Variants in CEP57L1 observed in about 807,000 individuals in gnomAD.
CEP57L1 encodes the protein centrosomal protein 57 like 1, also known as centrosomal protein CEP57L1.
In CEP57L1, 37 loss-of-function variants were observed where a neutral mutation model predicts 61.0. The observed-to-expected ratio is 0.61, with a 90% confidence interval of 0.47 to 0.80. CEP57L1 has a LOEUF of 0.80. Ranked by LOEUF, CEP57L1 falls within the 30% of genes least tolerant of loss-of-function variation. The probability of loss-of-function intolerance (pLI) is 0.00; values close to 1 mark genes in which losing one functional copy is unlikely to be tolerated. For missense variants in CEP57L1, 422 were observed against 524.7 expected (o/e 0.80, Z 1.91); for synonymous variants, 137 against 162.3 (o/e 0.84, Z 1.19).
intron 1 of CEP57L1, among the ~76,000 whole-genome samples, chr6:109,126,408 T>G (rs532667208): frequency 1.3e-5 from 2 of 152,340 alleles, no homozygotes; most frequent in South Asian, 4.1e-4. Flanking sequence ...GACAATGTTT[T>G]AGAAGGTAGA....
In CEP57L1 at chr6:109,096,303, C is replaced by A. The variant is rs115775934; in HGVS notation, c.-4+728C>A. Among the ~76,000 whole-genome samples, 1,317 of 152,132 alleles carry A rather than the reference C, an allele frequency of 8.7e-3. 24 individuals carry two copies. The highest frequency in any genetic ancestry group is 0.03 in the African/African-American group (1,249 of 41,490). ...GTCTTGCTAGGCACTGAGTATACAACAATGAAAAAGACAGTCTTACTAGTT... is the reference window on the plus strand; with the variant it reads ...GTCTTGCTAGGCACTGAGTATACAAAAATGAAAAAGACAGTCTTACTAGTT... On this transcript the variant is annotated intron_variant, in intron 1 of 10. Coordinates refer to ENST00000517392, the MANE Select transcript of CEP57L1 (RefSeq NM_001271852.3).
rs1018043819 is a variant in CEP57L1, at chr6:109,170,076, G to A, written c.*7106G>A. On this transcript the variant is annotated 3_prime_UTR_variant, in exon 11 of 11. Coordinates refer to ENST00000517392, the MANE Select transcript of CEP57L1 (RefSeq NM_001271852.3). ...TAATAGATTTCTTATAACCATATCA[G>A]CAAAGCCACTCTGCTCTGGACAATG... is the stretch of plus-strand genomic sequence containing the variant. 2.0e-5 allele frequency among the ~76,000 whole-genome samples: 3 copies of A among 152,080 alleles called. No homozygotes were observed. Among genetic ancestry groups the A allele is most frequent in the South Asian group, 2.1e-4 (1 of 4,826 alleles).
At chr6:109,119,393 T>A (rs1772684567) in intron 1 of CEP57L1, among the ~76,000 whole-genome samples, 1 of 151,974 alleles carries the variant, frequency 6.6e-6, no homozygotes, top group African/African-American at 2.4e-5. Flanking sequence ...ACCTAATCAG[T>A]GGTGGTAAGG....
At chr6:109,150,954 A>T (rs964449174) in intron 4 of CEP57L1, among the ~76,000 whole-genome samples, 1 of 152,192 alleles carries the variant, frequency 6.6e-6, no homozygotes, top group African/African-American at 2.4e-5. Context: ...CAGAAGGAAA[A>T]TGACCTTTGG....
At chr6:109,127,093 G>A (rs1214499836) in intron 1 of CEP57L1, among the ~76,000 whole-genome samples, 1 of 152,156 alleles carries the variant, frequency 6.6e-6, no homozygotes, top group Non-Finnish European at 1.5e-5. Context: ...TTGAACCCGG[G>A]AGATGGAGGT....
intron 1 of CEP57L1, among the ~76,000 whole-genome samples, chr6:109,119,870 A>G (rs932187879): frequency 6.6e-6 from 1 of 152,206 alleles, no homozygotes; most frequent in African/African-American, 2.4e-5. Flanking sequence ...ATAGTATGAT[A>G]CAATGTTAAG....
rs567878102 is a variant in CEP57L1, at chr6:109,168,627, G to A, written c.*5657G>A. On this transcript the variant is annotated 3_prime_UTR_variant, in exon 11 of 11. Transcript: ENST00000517392. ...TTTTTTTTTTTGAGATTGGAGTCTC[G>A]CTCCTTCACCCAGGCTGGAGTGCAA... is the stretch of plus-strand genomic sequence containing the variant. Among the ~76,000 whole-genome samples, 17 of 128,006 alleles carry A rather than the reference G, an allele frequency of 1.3e-4. No homozygotes were observed. Among genetic ancestry groups the A allele is most frequent in the African/African-American group, 3.9e-4 (13 of 33,116 alleles). The allele number at this position is 128,006 out of a possible 152,430, so 84.0% of individuals were successfully genotyped here. A position where few individuals can be genotyped will look rare whatever the true frequency, so the allele number is the denominator to read the frequency against.
chr6:109,173,320 A>G lies in CEP57L1; in HGVS notation c.*10350A>G, dbSNP rs763372275. 6.6e-6 allele frequency among the ~76,000 whole-genome samples: 1 copy of G among 152,002 alleles called. No homozygotes were observed. The highest frequency in any genetic ancestry group is 1.5e-5 in the Non-Finnish European group (1 of 68,010). The stretch of plus-strand genomic sequence containing the variant: ...GTTGGAACATGAGACCATTTAAAGA[A>G]TATTATTTCCTTCCAGTTTATTCAA... On this transcript the variant is annotated 3_prime_UTR_variant, in exon 11 of 11. Coordinates refer to ENST00000517392, the MANE Select transcript of CEP57L1 (RefSeq NM_001271852.3).
upstream of CEP57L1, chr6:109,095,197 G>A (rs1280031216): frequency 1.0e-6 from 1 of 985,530 alleles, no homozygotes; most frequent in Non-Finnish European, 1.2e-6. Context: ...TGCGCCCTGA[G>A]GCGGTTTCCG....
In CEP57L1 at chr6:109,165,250, T is replaced by G. The variant is rs1337622937; in HGVS notation, c.*2280T>G. On this transcript the variant is annotated 3_prime_UTR_variant, in exon 11 of 11. Transcript: ENST00000517392. ...AGCTTGGACAAGTCAGATAACTTTC[T>G]GGAGCCTCAGTTTCTCATCTGTAAA... 6.6e-6 allele frequency among the ~76,000 whole-genome samples: 1 copy of G among 152,110 alleles called. No individual in the cohort carries two copies. The highest frequency in any genetic ancestry group is 1.5e-5 in the Non-Finnish European group (1 of 68,002).
intron 1 of CEP57L1, among the ~76,000 whole-genome samples, chr6:109,098,767 A>G (rs1782025098): frequency 6.6e-6 from 1 of 152,154 alleles, no homozygotes; most frequent in African/African-American, 2.4e-5. Flanking sequence ...TGCTGAGATT[A>G]GAGGCATAAC....
intron 1 of CEP57L1, among the ~76,000 whole-genome samples, chr6:109,108,369 C>T (rs1364433876): frequency 1.3e-5 from 2 of 151,734 alleles, no homozygotes; most frequent in South Asian, 2.1e-4. Context: ...CCTGCCACCA[C>T]GCCCTGCTAA....
chr6:109,136,609 G>A (rs1334593821), intron 1 of CEP57L1, among the ~76,000 whole-genome samples: 4 of 150,794 alleles, frequency 2.7e-5, no homozygotes, highest in African/African-American at 4.9e-5. Context: ...TTGCAAATGC[G>A]GAATTTGAGG....
intron 10 of CEP57L1, among the ~76,000 whole-genome samples, chr6:109,161,138 C>T (rs868766614): frequency 2.0e-5 from 3 of 152,248 alleles, no homozygotes; most frequent in Middle Eastern, 3.4e-3. Flanking sequence ...TGCCCCAATC[C>T]TTAAAGCATG....
Position 109,150,206 on chromosome 6 carries a change from A to C in CEP57L1, c.429A>C (p.Val143=). 6.2e-7 allele frequency: 1 copy of C among 1,606,290 alleles called. No homozygotes were observed. The highest frequency in any genetic ancestry group is 8.5e-7 in the Non-Finnish European group (1 of 1,173,330). ...LEYTKRMVLN[V]EREKNMILEQ... is the part of the protein sequence containing the mutation. ...ATACAAAGAGAATGGTTCTCAACGT[A>C]GAGCGAGAAAAGAACATGATCCTAG... Residue 143 remains valine, a synonymous_variant, in exon 4 of 11, where the codon GTA becomes GTC. Transcript: ENST00000517392.
intron 5 of CEP57L1, among the ~76,000 whole-genome samples, chr6:109,154,632 A>G (rs950187972): frequency 2.0e-5 from 3 of 152,116 alleles, no homozygotes; most frequent in Admixed American, 1.3e-4. Context: ...TTCAGAAGAA[A>G]TGTTCACTGG....
chr6:109,131,190 G>A (rs1405555595), intron 1 of CEP57L1, among the ~76,000 whole-genome samples: 2 of 152,130 alleles, frequency 1.3e-5, no homozygotes, highest in Non-Finnish European at 2.9e-5. Flanking sequence ...TGTCATTGAA[G>A]TATAATAATA....
rs1442625484 is a variant in CEP57L1, at chr6:109,125,521, TA to T, written c.-3-19697del. On this transcript the variant is annotated intron_variant, in intron 1 of 10. Transcript: ENST00000517392. ...ATATATATATATACATATATATATA[TA>T]TATTTTTTTTTTAACCAGTTTCTGA... Among the ~76,000 whole-genome samples, 676 of 140,672 alleles carry T rather than the reference TA, an allele frequency of 4.8e-3. 4 individuals are homozygous for T. The highest frequency in any genetic ancestry group is 0.015 in the African/African-American group (580 of 37,586). The allele number at this position is 140,672 out of a possible 152,430, so 92.3% of individuals were successfully genotyped here.
At chr6:109,161,815 T>C (rs775822546) in intron 10 of CEP57L1, among the ~76,000 whole-genome samples, 16 of 152,080 alleles carry the variant, frequency 1.1e-4, no homozygotes, top group Non-Finnish European at 1.6e-4. Context: ...CCATAATAGC[T>C]ATAGCAGTAT....
Sources: gnomAD v4.1 joint callset for allele counts (sites outside exome capture counted in the v4.1 genomes callset) on GRCh38, gnomAD v4.1.1 for gene constraint, MANE v1.5 for transcripts, NCBI Gene and HGNC (gene_info 2026-07-23, HGNC 2026-07-21) for gene names.